ADAMTS19: variants seen among roughly 807,000 people sequenced by gnomAD.
The protein encoded by ADAMTS19 is ADAM metallopeptidase with thrombospondin type 1 motif 19.
Under a neutral mutation model 153.3 loss-of-function variants are expected in ADAMTS19, and 93 were observed. That is an observed-to-expected ratio of 0.61 (90% CI 0.51 to 0.72). ADAMTS19 has a LOEUF of 0.72. Ranked by LOEUF, ADAMTS19 falls within the 30% of genes least tolerant of loss-of-function variation. ADAMTS19 has a pLI of 0.00. For missense variants in ADAMTS19, 1,482 were observed against 1,552.1 expected (o/e 0.95, Z 0.76); for synonymous variants, 600 against 556.6 (o/e 1.08, Z -1.10).
At chr5:129,654,159 TCTA>T in intron 13 of ADAMTS19, 144 bp from the exon 14 acceptor site, 3 of 720,086 alleles carry the variant, frequency 4.2e-6, no homozygotes, top group Non-Finnish European at 6.3e-6. Flanking sequence ...ATAGAAATCT[TCTA>T]ATGTTATCTA....
intron 16 of ADAMTS19, among the ~76,000 whole-genome samples, chr5:129,674,990 C>A (rs1754491400): frequency 6.6e-6 from 1 of 152,124 alleles, no homozygotes; most frequent in African/African-American, 2.4e-5. Context: ...ACTTTGCCTT[C>A]ATCTCTGAAG....
At chr5:129,667,556 C>G (rs140444367) in intron 16 of ADAMTS19, among the ~76,000 whole-genome samples, 40 of 152,104 alleles carry the variant, frequency 2.6e-4, no homozygotes, top group African/African-American at 9.2e-4. Context: ...AGTGATTTCA[C>G]GTGAGATCTG....
chr5:129,654,222 T>C, intron 13 of ADAMTS19, 84 bp from the exon 14 acceptor site: 1 of 1,316,354 alleles, frequency 7.6e-7, no homozygotes, highest in Non-Finnish European at 1.0e-6. Flanking sequence ...TTTTACTCAA[T>C]AACGATTCTT....
Position 129,645,885 on chromosome 5 carries a change from A to ATTTTTTTTTT in ADAMTS19, c.1873-1868_1873-1859dup, listed in dbSNP as rs529444004. 3.4e-4 allele frequency among the ~76,000 whole-genome samples: 33 copies of ATTTTTTTTTT among 97,098 alleles called. 1 individual carries two copies. The highest frequency in any genetic ancestry group is 1.2e-3 in the African/African-American group (28 of 22,508). 63.7% of individuals were successfully genotyped at this position (97,098 alleles called of 152,430 possible). ...CACATGGTTTCTTTCTCCTTTTCCA[A>ATTTTTTTTTT]TTTTTTTTTTTTTTTTTTTTTGAGA... On this transcript the variant is annotated intron_variant, in intron 11 of 22. Coordinates refer to ENST00000274487, the MANE Select transcript of ADAMTS19 (RefSeq NM_133638.6).
At chr5:129,724,753 G>A (rs2127207115) in intron 21 of ADAMTS19, among the ~76,000 whole-genome samples, 1 of 152,288 alleles carries the variant, frequency 6.6e-6, no homozygotes, top group South Asian at 2.1e-4. Context: ...TGAGGAGACA[G>A]TATCTAATTT....
intron 3 of ADAMTS19, among the ~76,000 whole-genome samples, chr5:129,513,459 G>A (rs1005541466): frequency 8.6e-5 from 13 of 151,834 alleles, no homozygotes; most frequent in Non-Finnish European, 1.8e-4. Flanking sequence ...TCACACCACT[G>A]TACTCCAGCT....
At chr5:129,523,600 G>T (rs1474634216) in intron 3 of ADAMTS19, among the ~76,000 whole-genome samples, 18 of 152,094 alleles carry the variant, frequency 1.2e-4, no homozygotes, top group Non-Finnish European at 1.8e-4. Context: ...CCTCAATAAA[G>T]CTGTTATAAT....
intron 21 of ADAMTS19, among the ~76,000 whole-genome samples, chr5:129,725,024 CTA>C (rs1347988276): frequency 6.6e-6 from 1 of 152,080 alleles, no homozygotes; most frequent in African/African-American, 2.4e-5. Flanking sequence ...CTTCTAGTTT[CTA>C]TGTCTGCAGT....
At chr5:129,532,885 T>C (rs1051581911) in intron 6 of ADAMTS19, among the ~76,000 whole-genome samples, 2 of 152,074 alleles carry the variant, frequency 1.3e-5, no homozygotes, top group African/African-American at 4.8e-5. Context: ...GGCAGATCAC[T>C]TGAGGTCAGG....
At chr5:129,557,548 G>T (rs760543801) in intron 7 of ADAMTS19, among the ~76,000 whole-genome samples, 1 of 152,086 alleles carries the variant, frequency 6.6e-6, no homozygotes, top group Admixed American at 6.6e-5. Flanking sequence ...GCAGTGAGCC[G>T]AGATGGTGGC....
At chr5:129,523,866 A>G (rs1223651515) in intron 3 of ADAMTS19, among the ~76,000 whole-genome samples, 1 of 152,186 alleles carries the variant, frequency 6.6e-6, no homozygotes, top group Non-Finnish European at 1.5e-5. Context: ...AAGAATCGAT[A>G]TTGTGAAAAT....
At chr5:129,727,285 C>A (rs532109882) in intron 21 of ADAMTS19, among the ~76,000 whole-genome samples, 1 of 152,248 alleles carries the variant, frequency 6.6e-6, no homozygotes, top group Admixed American at 6.5e-5. Flanking sequence ...TTATCAGCAA[C>A]TTATTTCACA....
chr5:129,552,870 T>C (rs199498498), intron 7 of ADAMTS19, among the ~76,000 whole-genome samples: 2 of 152,002 alleles, frequency 1.3e-5, no homozygotes, highest in South Asian at 2.1e-4. Flanking sequence ...AAACTTATGA[T>C]GGAAAGTAGT....
chr5:129,691,542 A>T (rs560968157), intron 18 of ADAMTS19, among the ~76,000 whole-genome samples: 1 of 152,308 alleles, frequency 6.6e-6, no homozygotes, highest in Admixed American at 6.5e-5. Flanking sequence ...AAACAATAAC[A>T]TTTCCATATG....
At chr5:129,540,988 A>G (rs1752636741) in intron 6 of ADAMTS19, among the ~76,000 whole-genome samples, 1 of 152,018 alleles carries the variant, frequency 6.6e-6, no homozygotes, top group South Asian at 2.1e-4. Flanking sequence ...TCCCCATCCC[A>G]TAAAATAAAT....
chr5:129,522,550 A>T (rs943862402), intron 3 of ADAMTS19, among the ~76,000 whole-genome samples: 4 of 151,608 alleles, frequency 2.6e-5, no homozygotes, highest in Admixed American at 2.6e-4. Context: ...AACTTTGTTA[A>T]CTGATTATAC....
At chr5:129,706,805 A>G (rs2127172117) in intron 21 of ADAMTS19, among the ~76,000 whole-genome samples, 1 of 152,332 alleles carries the variant, frequency 6.6e-6, no homozygotes, top group South Asian at 2.1e-4. Context: ...CCTCTGGGTT[A>G]AATCTTAGTT....
intron 7 of ADAMTS19, among the ~76,000 whole-genome samples, chr5:129,556,621 T>C (rs66887795): frequency 0.067 from 10,177 of 152,246 alleles, 586 homozygotes; most frequent in African/African-American, 0.16. Flanking sequence ...TGTATTATCA[T>C]GGTAGGCCCA....
At chr5:129,551,725 C>G in intron 6 of ADAMTS19, 139 bp from the exon 7 acceptor site, 1 of 554,200 alleles carries the variant, frequency 1.8e-6, no homozygotes, top group Non-Finnish European at 3.2e-6. Flanking sequence ...AAAAATTAAT[C>G]TTATTCACAG....
Sources: allele counts gnomAD v4.1 joint callset (sites outside exome capture counted in the v4.1 genomes callset), GRCh38; gene constraint gnomAD v4.1.1; transcripts MANE v1.5; gene names NCBI Gene and HGNC (gene_info 2026-07-23, HGNC 2026-07-21).